The following ZNF804A variants were observed in gnomAD, a reference collection of about 807,000 sequenced individuals.
The protein encoded by ZNF804A is zinc finger protein 804A.
ZNF804A carries 2 observed loss-of-function variants against 16.5 expected under a neutral mutation model. That is an observed-to-expected ratio of 0.12 (90% CI 0.05 to 0.38). The LOEUF is 0.38. Among genes scored for constraint, ZNF804A ranks in the 10% least tolerant of loss-of-function variants. The pLI is 0.99. For synonymous variants in ZNF804A, 534 were observed against 489.6 expected (o/e 1.09, Z -1.20); for missense variants, 1,473 against 1,390.7 (o/e 1.06, Z -0.94).
intron 1 of ZNF804A, among the ~76,000 whole-genome samples, chr2:184,709,004 A>C (rs1303870927): frequency 6.6e-6 from 1 of 151,974 alleles, no homozygotes; most frequent in African/African-American, 2.4e-5. Flanking sequence ...CTCCAGTCAC[A>C]TGTCATCTCC....
At chr2:184,892,769 C>A (rs1340555434) in intron 2 of ZNF804A, among the ~76,000 whole-genome samples, 1 of 152,160 alleles carries the variant, frequency 6.6e-6, no homozygotes, top group Non-Finnish European at 1.5e-5. Context: ...AGGTGTGAGC[C>A]ACTGCACTCA....
chr2:184,836,256 C>G (rs1012266952), intron 1 of ZNF804A, among the ~76,000 whole-genome samples: 1 of 152,014 alleles, frequency 6.6e-6, no homozygotes, highest in Non-Finnish European at 1.5e-5. Flanking sequence ...TATGGCAGGG[C>G]CTGTTCTTTG....
At chr2:184,935,742 A>C in intron 3 of ZNF804A, 41 bp from the exon 4 acceptor site, 1 of 1,500,560 alleles carries the variant, frequency 6.7e-7, no homozygotes, top group Non-Finnish European at 8.9e-7. Flanking sequence ...TTTTTTCTCA[A>C]AAGTGTGCTA....
At chr2:184,759,210 A>G (rs1458520537) in intron 1 of ZNF804A, among the ~76,000 whole-genome samples, 1 of 151,304 alleles carries the variant, frequency 6.6e-6, no homozygotes, top group African/African-American at 2.4e-5. Context: ...AAAAATATTC[A>G]TTATTGAAAA....
intron 1 of ZNF804A, among the ~76,000 whole-genome samples, chr2:184,740,135 C>G (rs887892393): frequency 2.0e-5 from 3 of 152,300 alleles, no homozygotes; most frequent in Non-Finnish European, 4.4e-5. Flanking sequence ...TAGTCTCATA[C>G]TGTGCCACAT....
At chr2:184,797,169 A>G (rs1694643618) in intron 1 of ZNF804A, among the ~76,000 whole-genome samples, 1 of 152,092 alleles carries the variant, frequency 6.6e-6, no homozygotes, top group African/African-American at 2.4e-5. Flanking sequence ...GTTTAAATCA[A>G]TTGTTTCTTT....
chr2:184,753,609 A>G (rs1258345943), intron 1 of ZNF804A, among the ~76,000 whole-genome samples: 1 of 151,790 alleles, frequency 6.6e-6, no homozygotes, highest in African/African-American at 2.4e-5. Context: ...CTAACATTCT[A>G]GTGTTACCTG....
chr2:184,605,957 T>C (rs1403834766), intron 1 of ZNF804A, among the ~76,000 whole-genome samples: 2 of 152,180 alleles, frequency 1.3e-5, no homozygotes, highest in African/African-American at 4.8e-5. Flanking sequence ...ACCTGAGGTA[T>C]TACTCTGAAT....
rs1438630810 is a variant in ZNF804A, at chr2:184,628,306, C to T, written c.111+29236C>T. Among the ~76,000 whole-genome samples, 3 of 151,242 alleles carry T rather than the reference C, an allele frequency of 2.0e-5. No homozygotes were observed. The East Asian group carries it at 5.8e-4, about 29-fold the overall frequency. ...ACAGCCTGGGCAACAGGAGTGAAAC[C>T]GTCTCTGAAAAAGAAAAGAAAGAAA... On this transcript the variant is annotated intron_variant, in intron 1 of 3. Coordinates refer to ENST00000302277, the MANE Select transcript of ZNF804A (RefSeq NM_194250.2).
chr2:184,685,514 G>A (rs1692614296), intron 1 of ZNF804A, among the ~76,000 whole-genome samples: 2 of 152,112 alleles, frequency 1.3e-5, no homozygotes, highest in Admixed American at 1.3e-4. Context: ...AATGAGGTAT[G>A]CGGACAATTG....
chr2:184,740,378 C>T (rs369075532), intron 1 of ZNF804A, among the ~76,000 whole-genome samples: 4 of 152,122 alleles, frequency 2.6e-5, no homozygotes, highest in East Asian at 3.9e-4. Flanking sequence ...AGAGTGTTGG[C>T]CTCTTTACGG....
chr2:184,817,102 T>C (rs1392768904), intron 1 of ZNF804A, among the ~76,000 whole-genome samples: 3 of 151,814 alleles, frequency 2.0e-5, no homozygotes, highest in African/African-American at 7.3e-5. Flanking sequence ...CCATGAGCAT[T>C]TGGAGAAGTG....
chr2:184,611,839 T>C (rs547815350), intron 1 of ZNF804A, among the ~76,000 whole-genome samples: 2 of 152,330 alleles, frequency 1.3e-5, no homozygotes, highest in East Asian at 3.9e-4. Flanking sequence ...GTTTGCTGTG[T>C]ACTTTATTTG....
intron 2 of ZNF804A, among the ~76,000 whole-genome samples, chr2:184,904,531 G>A (rs1467428493): frequency 6.6e-6 from 1 of 152,076 alleles, no homozygotes; most frequent in African/African-American, 2.4e-5. Context: ...TACTTGCCAT[G>A]ACAAAGTATT....
chr2:184,773,604 A>C (rs1694248532), intron 1 of ZNF804A, among the ~76,000 whole-genome samples: 2 of 151,982 alleles, frequency 1.3e-5, no homozygotes, highest in South Asian at 4.1e-4. Context: ...CTAAGCTATG[A>C]GGATGCAAAG....
intron 1 of ZNF804A, among the ~76,000 whole-genome samples, chr2:184,629,465 A>T (rs1162894057): frequency 1.3e-5 from 2 of 152,152 alleles, no homozygotes; most frequent in African/African-American, 4.8e-5. Context: ...TCAAAGTTTT[A>T]TGTGTTACAA....
At chr2:184,735,242 C>G (rs543023443) in intron 1 of ZNF804A, among the ~76,000 whole-genome samples, 25 of 151,958 alleles carry the variant, frequency 1.6e-4, no homozygotes, top group African/African-American at 6.0e-4. Flanking sequence ...CCTTTTCTTT[C>G]TTACATAGGT....
chr2:184,937,308 A>G lies in ZNF804A; in HGVS notation c.1912A>G (p.Ile638Val), dbSNP rs781044548. 6 of 1,613,976 alleles carry G rather than the reference A, an allele frequency of 3.7e-6. No homozygotes were observed. The East Asian group carries it at 6.7e-5, about 18-fold the overall frequency. The change falls in exon 4 of 4, where the codon ATT (isoleucine) becomes GTT (valine). Residue 638 changes from isoleucine (I) to valine (V), a missense_variant. Ile to Val is a conservative substitution (Grantham distance 29, BLOSUM62 3). Transcript: ENST00000302277. The stretch of plus-strand genomic sequence containing the variant: ...TGCTGGGAAATATCTATTGGAACCA[A>G]TTTCAGAAAAGCAGTATTTAGCTGC... ...ENAGKYLLEPISEKQYLAAEQ... is the reference protein window; with the variant it reads ...ENAGKYLLEPVSEKQYLAAEQ...
intron 1 of ZNF804A, among the ~76,000 whole-genome samples, chr2:184,787,392 GAAT>G: frequency 6.8e-6 from 1 of 146,950 alleles, no homozygotes; most frequent in Non-Finnish European, 1.5e-5. Flanking sequence ...CTGCTATGTT[GAAT>G]AGTAGTACTA....
Sources: allele counts gnomAD v4.1 joint callset (sites outside exome capture counted in the v4.1 genomes callset), GRCh38; gene constraint gnomAD v4.1.1; transcripts MANE v1.5; gene names NCBI Gene and HGNC (gene_info 2026-07-23, HGNC 2026-07-21).